NCMAP: variants seen among roughly 807,000 people sequenced by gnomAD.
NCMAP encodes the protein non-compact myelin associated protein.
NCMAP carries 8 observed loss-of-function variants against 7.8 expected under a neutral mutation model. The observed-to-expected ratio is 1.02, with a 90% CI of 0.60 to 1.84. The LOEUF is 1.84. Among genes scored for constraint, NCMAP ranks in the 40% most tolerant of loss-of-function variants. The probability of loss-of-function intolerance (pLI) is 0.00; values close to 1 mark genes in which losing one functional copy is unlikely to be tolerated. For synonymous variants in NCMAP, 41 were observed against 52.9 expected, an observed-to-expected ratio of 0.78 and a Z score of 0.98; for missense variants, 112 against 131.4, an observed-to-expected ratio of 0.85 and a Z score of 0.72.
intron 1 of NCMAP, among the ~76,000 whole-genome samples, chr1:24,587,418 C>T (rs1651912844): frequency 1.3e-5 from 2 of 152,212 alleles, no homozygotes; most frequent in South Asian, 4.1e-4. Flanking sequence ...TGGGAGGTAA[C>T]ATTGATGTGG....
At chr1:24,594,869 C>T (rs577345264) in intron 1 of NCMAP, among the ~76,000 whole-genome samples, 12 of 150,740 alleles carry the variant, frequency 8.0e-5, no homozygotes, top group Non-Finnish European at 1.5e-5. Flanking sequence ...CCAGCCTGGG[C>T]GACAGGGCAA....
In NCMAP at chr1:24,609,129, T is replaced by C. The variant is rs1439525761; in HGVS notation, c.*3382T>C. 1 of 152,182 alleles carries C rather than the reference T, an allele frequency of 6.6e-6. No individual in the cohort carries two copies. The highest frequency in any genetic ancestry group is 1.5e-5 in the Non-Finnish European group (1 of 68,030). The allele number at this position is 152,182 out of a possible 1,614,324, so 9.4% of individuals were successfully genotyped here. On this transcript the variant is annotated 3_prime_UTR_variant, in exon 4 of 4. Transcript: ENST00000374392. ...GGTTCCTATGTGCAAGTTGAGGTGC[T>C]ACTAAGTACATTAAGACACAATTGC...
chr1:24,567,098 G>A (rs777269857), intron 1 of NCMAP, among the ~76,000 whole-genome samples: 8 of 152,132 alleles, frequency 5.3e-5, no homozygotes, highest in Non-Finnish European at 7.3e-5. Context: ...AGAGTTAAGC[G>A]TATATTCGGA....
intron 1 of NCMAP, among the ~76,000 whole-genome samples, chr1:24,587,588 A>G (rs9727710): frequency 0.19 from 28,444 of 152,088 alleles, 2,800 homozygotes; most frequent in Non-Finnish European, 0.21. Flanking sequence ...ATCTTGGCTC[A>G]CTGCAGCCTC....
At chr1:24,578,387 G>T (rs538635304) in intron 1 of NCMAP, among the ~76,000 whole-genome samples, 1 of 149,102 alleles carries the variant, frequency 6.7e-6, no homozygotes, top group South Asian at 2.2e-4. Context: ...TCCAACTGGG[G>T]TCTCCAGGAT....
intron 2 of NCMAP, among the ~76,000 whole-genome samples, chr1:24,599,286 A>G (rs994169771): frequency 7.9e-5 from 12 of 151,438 alleles, no homozygotes; most frequent in African/African-American, 1.2e-4. Context: ...CTCTCAAAAA[A>G]AAAAAAAAAA....
intron 1 of NCMAP, among the ~76,000 whole-genome samples, chr1:24,588,887 T>A (rs1045664128): frequency 1.3e-5 from 2 of 152,176 alleles, no homozygotes; most frequent in Non-Finnish European, 2.9e-5. Flanking sequence ...TGTGGGTTTT[T>A]TCATCAAAGC....
chr1:24,569,217 C>T (rs1651318417), intron 1 of NCMAP, among the ~76,000 whole-genome samples: 1 of 152,092 alleles, frequency 6.6e-6, no homozygotes, highest in African/African-American at 2.4e-5. Flanking sequence ...TGGTCTCAAA[C>T]TTCTGACCTC....
At chr1:24,597,611 AAGAAAG>A (rs1328281958) in intron 2 of NCMAP, among the ~76,000 whole-genome samples, 9 of 90,136 alleles carry the variant, frequency 1.0e-4, no homozygotes, top group African/African-American at 3.9e-4. Flanking sequence ...GAAAGAAAGA[AAGAAAG>A]AGAAAGAAAG....
intron 3 of NCMAP, among the ~76,000 whole-genome samples, chr1:24,604,623 T>A (rs866855055): frequency 3.9e-5 from 2 of 51,054 alleles, no homozygotes; most frequent in African/African-American, 1.4e-4. Context: ...TATATATATA[T>A]ATATATATAT....
chr1:24,602,683 C>T (rs1048295389), intron 3 of NCMAP, among the ~76,000 whole-genome samples: 9 of 151,422 alleles, frequency 5.9e-5, no homozygotes, highest in African/African-American at 2.2e-4. Flanking sequence ...AGGAGGATCA[C>T]TTGAGCCCCA....
At chr1:24,597,617 GAGAAAGAA>G (rs71032831) in intron 2 of NCMAP, among the ~76,000 whole-genome samples, 5,132 of 87,342 alleles carry the variant, frequency 0.059, 240 homozygotes, top group African/African-American at 0.097. Flanking sequence ...AAGAAAGAAA[GAGAAAGAA>G]AGAAAGAAAG....
chr1:24,566,068 C>T (rs9662983), intron 1 of NCMAP, among the ~76,000 whole-genome samples: 103,313 of 151,996 alleles, frequency 0.68, 36,488 homozygotes, highest in African/African-American at 0.88. Context: ...TCCTCCATGA[C>T]TGTAAGTTTC....
intron 1 of NCMAP, among the ~76,000 whole-genome samples, chr1:24,574,184 T>A (rs1228899357): frequency 6.7e-6 from 1 of 149,714 alleles, no homozygotes; most frequent in African/African-American, 2.5e-5. Context: ...TGCAGTGGAA[T>A]CTTGGCTCAC....
At chr1:24,601,330 C>T (rs760761838) in intron 3 of NCMAP, among the ~76,000 whole-genome samples, 58 of 152,170 alleles carry the variant, frequency 3.8e-4, no homozygotes, top group Non-Finnish European at 7.4e-4. Context: ...CAGACCTCTT[C>T]TCTCAGAGAT....
At chr1:24,564,532 A>AC (rs1491207000) in intron 1 of NCMAP, among the ~76,000 whole-genome samples, 1 of 102,012 alleles carries the variant, frequency 9.8e-6, no homozygotes, top group Non-Finnish European at 1.9e-5. Flanking sequence ...AAAAAAAAAA[A>AC]CAAAAAAAAA....
chr1:24,595,582 T>G, intron 2 of NCMAP, 70 bp downstream of exon 2: 1 of 1,277,516 alleles, frequency 7.8e-7, no homozygotes, highest in Non-Finnish European at 1.1e-6. Context: ...AGTGCAGAGG[T>G]TAAGAGTGTG....
At position 24,599,621 on chromosome 1, in the gene NCMAP, A is replaced by G. The variant is rs1319394192; in HGVS notation, c.83-1319A>G. ...GAGAAGGAGTCTTGCTCTGTCGCCC[A>G]GGCTAGAGTGCAGTGGCACGATCTC... is the stretch of plus-strand genomic sequence containing the variant. On this transcript the variant is annotated intron_variant, in intron 2 of 3. Transcript: ENST00000374392. Among the ~76,000 whole-genome samples the G allele has an allele frequency of 2.0e-5, 3 of 152,184 alleles. No homozygotes were observed. In the East Asian group the frequency reaches 5.8e-4, roughly 29 times the overall value.
At chr1:24,574,886 C>G (rs935511730) in intron 1 of NCMAP, among the ~76,000 whole-genome samples, 1 of 151,014 alleles carries the variant, frequency 6.6e-6, no homozygotes, top group African/African-American at 2.4e-5. Flanking sequence ...CCCACTGCCT[C>G]CCGGGTTCAA....
Sources: gnomAD v4.1 joint callset for allele counts (sites outside exome capture counted in the v4.1 genomes callset) on GRCh38, gnomAD v4.1.1 for gene constraint, MANE v1.5 for transcripts, NCBI Gene and HGNC (gene_info 2026-07-23, HGNC 2026-07-21) for gene names.